The following PDE10A variants were observed in gnomAD, a reference collection of about 807,000 sequenced individuals.
PDE10A encodes the protein phosphodiesterase 10A.
PDE10A carries 39 observed loss-of-function variants against 97.7 expected under a neutral mutation model. The observed-to-expected ratio is 0.40, with a 90% CI of 0.31 to 0.52. PDE10A has a LOEUF of 0.52. Ranked by LOEUF, PDE10A falls within the 20% of genes least tolerant of loss-of-function variation. The probability of loss-of-function intolerance (pLI) is 0.56; values close to 1 mark genes in which losing one functional copy is unlikely to be tolerated. For missense variants in PDE10A, 731 were observed against 1,047.8 expected, an observed-to-expected ratio of 0.70 and a Z score of 4.17; for synonymous variants, 371 against 376.8, an observed-to-expected ratio of 0.98 and a Z score of 0.18.
intron 1 of PDE10A, among the ~76,000 whole-genome samples, chr6:165,597,686 G>A (rs1023635474): frequency 1.3e-5 from 2 of 152,178 alleles, no homozygotes; most frequent in Admixed American, 6.5e-5. Context: ...TACTTTACAT[G>A]TTCCAGTTAG....
chr6:165,733,745 C>A (rs549640867), intron 1 of PDE10A, among the ~76,000 whole-genome samples: 7 of 152,268 alleles, frequency 4.6e-5, no homozygotes, highest in African/African-American at 1.7e-4. Context: ...GACATAATGC[C>A]ACTTTCTCAT....
chr6:165,739,018 C>G (rs1452053413), intron 1 of PDE10A, among the ~76,000 whole-genome samples: 1 of 152,170 alleles, frequency 6.6e-6, no homozygotes, highest in Non-Finnish European at 1.5e-5. Context: ...GAAAGATATC[C>G]TGTCTTCATA....
intron 1 of PDE10A, among the ~76,000 whole-genome samples, chr6:165,615,566 C>T (rs1787690178): frequency 6.6e-6 from 1 of 152,076 alleles, no homozygotes; most frequent in South Asian, 2.1e-4. Flanking sequence ...AATGATAAAT[C>T]ATTAGATTTG....
intron 1 of PDE10A, among the ~76,000 whole-genome samples, chr6:165,733,430 C>T (rs11966907): frequency 4.6e-5 from 7 of 152,162 alleles, no homozygotes; most frequent in African/African-American, 1.4e-4. Flanking sequence ...CACGCTTGAG[C>T]TGCCCGGTCT....
intron 1 of PDE10A, among the ~76,000 whole-genome samples, chr6:165,966,966 C>G (rs1168141958): frequency 1.3e-5 from 2 of 152,140 alleles, no homozygotes; most frequent in African/African-American, 4.8e-5. Flanking sequence ...GGGTAATACA[C>G]TATGTTGTTG....
chr6:165,737,925 C>T (rs994233276), intron 1 of PDE10A, among the ~76,000 whole-genome samples: 2 of 152,154 alleles, frequency 1.3e-5, no homozygotes, highest in African/African-American at 2.4e-5. Flanking sequence ...ACAAATAAGA[C>T]ATTTAGAGCT....
chr6:165,494,538 T>A (rs866119525), intron 2 of PDE10A, among the ~76,000 whole-genome samples: 630 of 139,872 alleles, frequency 4.5e-3, no homozygotes, highest in African/African-American at 0.014. Flanking sequence ...ATATATATAT[T>A]TATTTATTTA....
intron 1 of PDE10A, among the ~76,000 whole-genome samples, chr6:165,892,494 G>A (rs778785060): frequency 3.9e-5 from 6 of 152,216 alleles, no homozygotes; most frequent in Non-Finnish European, 5.9e-5. Flanking sequence ...GTGACTGTCC[G>A]TCCTTACCAG....
chr6:165,855,961 G>A (rs962708765), intron 1 of PDE10A, among the ~76,000 whole-genome samples: 2 of 152,164 alleles, frequency 1.3e-5, no homozygotes, highest in African/African-American at 2.4e-5. Context: ...ATGGGAAGAC[G>A]TATTGGTGTC....
intron 1 of PDE10A, among the ~76,000 whole-genome samples, chr6:165,899,592 A>G (rs1275788341): frequency 2.6e-5 from 4 of 152,210 alleles, no homozygotes; most frequent in African/African-American, 9.6e-5. Context: ...GCTATGCAGG[A>G]GCAGCACAGG....
chr6:165,490,997 C>T (rs916162592), intron 2 of PDE10A, among the ~76,000 whole-genome samples: 5 of 152,066 alleles, frequency 3.3e-5, no homozygotes, highest in Admixed American at 1.3e-4. Context: ...TATCTGCTCT[C>T]TTCAAGAGAC....
chr6:165,821,214 C>G (rs147917478), intron 1 of PDE10A, among the ~76,000 whole-genome samples: 30 of 152,324 alleles, frequency 2.0e-4, no homozygotes, highest in African/African-American at 6.7e-4. Flanking sequence ...GGATGCCGGC[C>G]TGGATTCAGA....
At chr6:165,445,472 G>A (rs1268056040) in intron 5 of PDE10A, among the ~76,000 whole-genome samples, 1 of 152,168 alleles carries the variant, frequency 6.6e-6, no homozygotes, top group African/African-American at 2.4e-5. Context: ...TGAGAGACAG[G>A]AGAGAAAAGT....
chr6:165,814,578 AT>A (rs1457040535), intron 1 of PDE10A, among the ~76,000 whole-genome samples: 2 of 152,206 alleles, frequency 1.3e-5, no homozygotes, highest in African/African-American at 4.8e-5. Flanking sequence ...CTAAATATCA[AT>A]TTAAAAATTC....
rs146073924 is a variant in PDE10A at position 165,647,532 on chromosome 6, T to A, written c.865+14415A>T. ...AGAAGCATTCTAATGACAATCCCCTTTTTTTTTTTAGTTCTTTTTCCAAAA... is the reference window on the plus strand; with the variant it reads ...AGAAGCATTCTAATGACAATCCCCTATTTTTTTTTAGTTCTTTTTCCAAAA... On this transcript the variant is annotated intron_variant, in intron 1 of 21. Transcript: ENST00000539869. Among the ~76,000 whole-genome samples the A allele has an allele frequency of 1.1e-4, 16 of 148,548 alleles. No homozygotes were observed. The East Asian group carries it at 2.9e-3, about 27-fold the overall frequency.
intron 1 of PDE10A, among the ~76,000 whole-genome samples, chr6:165,740,918 G>T (rs1792705400): frequency 6.6e-6 from 1 of 152,156 alleles, no homozygotes; most frequent in Non-Finnish European, 1.5e-5. Context: ...CAAAGTTTCA[G>T]TCATGTTGGC....
At chr6:165,546,202 G>A (rs1180453436) in intron 1 of PDE10A, among the ~76,000 whole-genome samples, 1 of 152,008 alleles carries the variant, frequency 6.6e-6, no homozygotes, top group African/African-American at 2.4e-5. Flanking sequence ...TACAACACTG[G>A]AGAAAAGGCA....
At chr6:165,892,852 A>G (rs1781842244) in intron 1 of PDE10A, among the ~76,000 whole-genome samples, 1 of 152,220 alleles carries the variant, frequency 6.6e-6, no homozygotes, top group Non-Finnish European at 1.5e-5. Context: ...AAGGCTGACC[A>G]TGAACTTGAG....
intron 1 of PDE10A, among the ~76,000 whole-genome samples, chr6:165,709,573 A>C (rs7770473): frequency 0.45 from 11,476 of 25,482 alleles, 3,183 homozygotes; most frequent in African/African-American, 0.74. Flanking sequence ...CAGCCGCGCT[A>C]TCCCCCACAC....
Sources: allele counts gnomAD v4.1 joint callset (sites outside exome capture counted in the v4.1 genomes callset), GRCh38; gene constraint gnomAD v4.1.1; transcripts MANE v1.5; gene names NCBI Gene and HGNC (gene_info 2026-07-23, HGNC 2026-07-21).